Variants in GTF2IRD1 observed in about 807,000 individuals in gnomAD.
The protein encoded by GTF2IRD1 is general transcription factor II-I repeat domain-containing protein 1.
In GTF2IRD1, 26 loss-of-function variants were observed where a neutral mutation model predicts 113.2. That is an observed-to-expected ratio of 0.23 (90% CI 0.17 to 0.32). The LOEUF (loss-of-function observed/expected upper bound fraction) is 0.32, where lower values mean the gene tolerates loss of function less well. Among genes scored for constraint, GTF2IRD1 ranks in the 10% least tolerant of loss-of-function variants. The probability of loss-of-function intolerance (pLI) is 1.00; values close to 1 mark genes in which losing one functional copy is unlikely to be tolerated. For synonymous variants in GTF2IRD1, 484 were observed against 529.1 expected (o/e 0.91, Z 1.17); for missense variants, 864 against 1,280.8 (o/e 0.67, Z 4.97).
chr7:74,544,910 A>G (rs1798838348), intron 15 of GTF2IRD1, 108 bp downstream of exon 15: 1 of 801,544 alleles, frequency 1.2e-6, no homozygotes, highest in Non-Finnish European at 2.1e-6. Flanking sequence ...TCTCCACCTC[A>G]TCTCTCTCCA....
Position 74,512,892 on chromosome 7 carries a change from C to T in GTF2IRD1, c.186C>T (p.Ala62=), listed in dbSNP as rs1554343426. Residue 62 remains alanine, a synonymous_variant, in exon 3 of 27, where the codon GCC becomes GCT. Coordinates refer to ENST00000424337, the MANE Select transcript of GTF2IRD1 (RefSeq NM_005685.4). The surrounding 1 kb of genome is among the most constrained non-coding windows in gnomAD (Gnocchi z 4.4). The stretch of plus-strand genomic sequence containing the variant: ...GTGTCGCCGTGCACGATGAGAGCGC[C>T]TTTGTGGTGGGCACAGAGAAGGGGA... ...VACVAVHDES[A]FVVGTEKGRM... The T allele has an allele frequency of 1.9e-6, 3 of 1,614,134 alleles. No individual in the cohort carries two copies.
intron 22 of GTF2IRD1, among the ~76,000 whole-genome samples, chr7:74,585,003 C>T (rs376322089): frequency 3.3e-5 from 5 of 151,532 alleles, no homozygotes; most frequent in African/African-American, 1.2e-4. Flanking sequence ...GGTTTCACCA[C>T]GTTGGACAGG....
chr7:74,500,915 G>A (rs1451570935), intron 1 of GTF2IRD1, among the ~76,000 whole-genome samples: 2 of 151,902 alleles, frequency 1.3e-5, no homozygotes, highest in Non-Finnish European at 2.9e-5. Flanking sequence ...GTAGAGGTGG[G>A]GTCTTGCTAT....
chr7:74,519,145 G>A (rs1474338574), intron 5 of GTF2IRD1, among the ~76,000 whole-genome samples: 3 of 152,214 alleles, frequency 2.0e-5, no homozygotes, highest in East Asian at 1.9e-4. Context: ...GCAATCAACC[G>A]CACCTGGCGG....
chr7:74,463,240 C>T (rs1197240375), intron 1 of GTF2IRD1, among the ~76,000 whole-genome samples: 1 of 152,052 alleles, frequency 6.6e-6, no homozygotes, highest in African/African-American at 2.4e-5. Context: ...TTCATCTGTT[C>T]TTATTATTAT....
intron 1 of GTF2IRD1, chr7:74,506,661 C>T (rs1796311696): frequency 6.6e-6 from 1 of 152,138 alleles, no homozygotes; most frequent in Non-Finnish European, 1.5e-5. Context: ...GCAGGGACAG[C>T]TGCCTTGAGG....
At chr7:74,598,845 C>T (rs1802576611) in intron 25 of GTF2IRD1, among the ~76,000 whole-genome samples, 1 of 152,158 alleles carries the variant, frequency 6.6e-6, no homozygotes, top group Non-Finnish European at 1.5e-5. Flanking sequence ...CCACAAAAAT[C>T]CCTCTGACTC....
At chr7:74,479,451 G>A (rs1554334172) in intron 1 of GTF2IRD1, among the ~76,000 whole-genome samples, 1 of 151,708 alleles carries the variant, frequency 6.6e-6, no homozygotes, top group East Asian at 1.9e-4. Context: ...CAGTAATTTG[G>A]CACTCCTTCA....
At chr7:74,470,891 C>T (rs1278896067) in intron 1 of GTF2IRD1, among the ~76,000 whole-genome samples, 2 of 152,122 alleles carry the variant, frequency 1.3e-5, no homozygotes, top group African/African-American at 4.8e-5. Flanking sequence ...GCAACCTCCG[C>T]CTCCCTGGTT....
chr7:74,557,799 C>A, intron 20 of GTF2IRD1, 77 bp downstream of exon 20: 2 of 873,360 alleles, frequency 2.3e-6, no homozygotes, highest in Non-Finnish European at 3.7e-6. Context: ...CAGTTCCAGC[C>A]GAGGGCATTT....
At chr7:74,465,839 G>A (rs1485357190) in intron 1 of GTF2IRD1, among the ~76,000 whole-genome samples, 3 of 151,904 alleles carry the variant, frequency 2.0e-5, no homozygotes, top group African/African-American at 7.3e-5. Context: ...GCAGGATCTC[G>A]GCTCACTGCA....
intron 9 of GTF2IRD1, among the ~76,000 whole-genome samples, chr7:74,533,431 G>A (rs897389822): frequency 6.6e-6 from 1 of 152,070 alleles, no homozygotes; most frequent in African/African-American, 2.4e-5. Context: ...CACCACGCCC[G>A]GCTGGTTCCA....
intron 25 of GTF2IRD1, among the ~76,000 whole-genome samples, chr7:74,597,144 G>A (rs1362307353): frequency 6.6e-6 from 1 of 151,990 alleles, no homozygotes; most frequent in Non-Finnish European, 1.5e-5. Context: ...CCGGGTTCAA[G>A]TGATTCTCCT....
chr7:74,547,878 C>T (rs1451212493), intron 17 of GTF2IRD1, among the ~76,000 whole-genome samples: 1 of 151,468 alleles, frequency 6.6e-6, no homozygotes, highest in East Asian at 1.9e-4. Flanking sequence ...CTCGCAGTCT[C>T]AGGAGAGCAG....
At chr7:74,520,067 G>T (rs1432399194) in intron 6 of GTF2IRD1, among the ~76,000 whole-genome samples, 2 of 135,218 alleles carry the variant, frequency 1.5e-5, no homozygotes, top group Non-Finnish European at 3.1e-5. Flanking sequence ...ACTCCAGCCT[G>T]GGTGACAGCA....
intron 1 of GTF2IRD1, among the ~76,000 whole-genome samples, chr7:74,456,513 C>T (rs1792984972): frequency 6.6e-6 from 1 of 152,056 alleles, no homozygotes; most frequent in South Asian, 2.1e-4. Context: ...GAAACCCCAT[C>T]TCTACTAAAA....
intron 1 of GTF2IRD1, among the ~76,000 whole-genome samples, chr7:74,471,200 C>T (rs1385761532): frequency 1.3e-5 from 2 of 152,092 alleles, no homozygotes; most frequent in African/African-American, 2.4e-5. Context: ...AACTGAAATG[C>T]GTTTTGATTA....
chr7:74,592,006 AAGAT>A (rs1290850755), intron 24 of GTF2IRD1, among the ~76,000 whole-genome samples: 2 of 151,998 alleles, frequency 1.3e-5, no homozygotes, highest in Non-Finnish European at 2.9e-5. Context: ...AAAATACAAA[AAGAT>A]AGAAGAAAAG....
intron 1 of GTF2IRD1, among the ~76,000 whole-genome samples, chr7:74,474,391 T>C (rs1794287140): frequency 6.6e-6 from 1 of 152,190 alleles, no homozygotes. Flanking sequence ...AAAGATGTGT[T>C]TGGAATAAAT....
Sources: gnomAD v4.1 joint callset for allele counts (sites outside exome capture counted in the v4.1 genomes callset) on GRCh38, gnomAD v4.1.1 for gene constraint, Gnocchi (gnomAD v3.1) non-coding constraint, MANE v1.5 for transcripts, NCBI Gene and HGNC (gene_info 2026-07-23, HGNC 2026-07-21) for gene names.